CDC42BPB: variants seen among roughly 807,000 people sequenced by gnomAD.
CDC42BPB encodes the protein CDC42 binding protein kinase beta.
CDC42BPB carries 37 observed loss-of-function variants against 214.9 expected under a neutral mutation model. The observed-to-expected ratio is 0.17, with a 90% confidence interval of 0.13 to 0.23. The LOEUF (loss-of-function observed/expected upper bound fraction) is 0.23. Among genes scored for constraint, CDC42BPB ranks in the 10% least tolerant of loss-of-function variants. The pLI, the probability that CDC42BPB is intolerant of heterozygous loss-of-function variation, is 1.00. For missense variants in CDC42BPB, 1,694 were observed against 2,227.0 expected (o/e 0.76, Z 4.82); for synonymous variants, 931 against 884.0 (o/e 1.05, Z -0.94).
chr14:103,033,154 G>A (rs922105560), intron 1 of CDC42BPB, among the ~76,000 whole-genome samples: 3 of 152,134 alleles, frequency 2.0e-5, no homozygotes, highest in Non-Finnish European at 4.4e-5. Context: ...ACAACTGACT[G>A]TGAGTTGATA....
Position 102,938,732 on chromosome 14 carries a change from A to G in CDC42BPB, c.4828-321T>C, listed in dbSNP as rs191329599. ...CAACCTCTGCCTCCTGGGTTCAAGC[A>G]ATTCTCCTGCCTCAGCCTCCTGAGT... is the stretch of plus-strand genomic sequence containing the variant. On this transcript the variant is annotated intron_variant, in intron 34 of 36. Transcript: ENST00000361246. Among the ~76,000 whole-genome samples the G allele has an allele frequency of 3.2e-3, 469 of 147,114 alleles. 5 individuals carry two copies. The highest frequency in any genetic ancestry group is 0.012 in the African/African-American group (457 of 39,590).
In CDC42BPB at chr14:103,057,051, G is replaced by A. The variant is rs1165127986; in HGVS notation, c.123C>T (p.Cys41=). ...LDVLVCLYTE[C]SHSALRRDKY... The stretch of plus-strand genomic sequence containing the variant: ...TGTCGCGGCGCAGGGCCGAGTGGCT[G>A]CACTCGGTGTACAGGCAGACGAGCA... Residue 41 remains cysteine (C), a synonymous_variant, in exon 1 of 37, where the codon TGC becomes TGT. Coordinates refer to ENST00000361246, the MANE Select transcript of CDC42BPB (RefSeq NM_006035.4). 2.0e-6 allele frequency: 3 copies of A among 1,520,200 alleles called. No homozygotes were observed. The highest frequency in any genetic ancestry group is 2.6e-5 in the East Asian group (1 of 37,894). The allele number at this position is 1,520,200 out of a possible 1,614,324, so 94.2% of individuals were successfully genotyped here. A position where few individuals can be genotyped will look rare whatever the true frequency, so the allele number is the denominator to read the frequency against.
At position 102,943,676 on chromosome 14, in the gene CDC42BPB, A is replaced by G. The variant is rs1019600899; in HGVS notation, c.4408+215T>C. On this transcript the variant is annotated intron_variant, in intron 30 of 36. Transcript: ENST00000361246. The surrounding 1 kb of genome is among the most constrained non-coding windows in gnomAD (Gnocchi z 4.6). ...CTGGAAGAACCGGCCCCATGTGCTC[A>G]GGGAGAGAGGTTGCTGAGCCCGCCT... 2.2e-5 allele frequency: 12 copies of G among 554,924 alleles called. No homozygotes were observed. Among genetic ancestry groups the G allele is most frequent in the Non-Finnish European group, 3.8e-5 (12 of 316,298 alleles). 34.4% of individuals were successfully genotyped at this position (554,924 alleles called of 1,614,324 possible).
chr14:103,028,106 G>C (rs1887151253), intron 1 of CDC42BPB, among the ~76,000 whole-genome samples: 1 of 152,064 alleles, frequency 6.6e-6, no homozygotes, highest in African/African-American at 2.4e-5. Context: ...CTCCAGCCTG[G>C]GTGACAGAGC....
At position 102,986,653 on chromosome 14, in the gene CDC42BPB, T is replaced by C. The variant is rs1002764695; in HGVS notation, c.597-73A>G. 12 of 1,562,566 alleles carry C rather than the reference T, an allele frequency of 7.7e-6. No homozygotes were observed. The Middle Eastern group carries it at 6.8e-4, about 89-fold the overall frequency. On this transcript the variant is annotated intron_variant, in intron 5 of 36. Transcript: ENST00000361246. ...TAGGTAGATCAAAGCCCTTAACTAG[T>C]GGTGATCAGATGAATAAATGCTAAT...
chr14:102,983,695 A>G lies in CDC42BPB; in HGVS notation c.752T>C (p.Met251Thr), dbSNP rs779426560. Residue 251 changes from methionine to threonine, a missense_variant, in exon 7 of 37, where the codon ATG becomes ACG. Met to Thr is a moderately conservative substitution (Grantham distance 81). This residue lies in a region of CDC42BPB where 225 missense variants were observed against 459.3 expected (regional missense o/e 0.49). Transcript: ENST00000361246. ...DYISPEILQA[M>T]EDGMGKYGPE... Reference sequence around the variant, plus strand: ...CCCGTATTTGCCCATGCCGTCCTCCATCGCCTGCAGGATCTCCGGCGAGAT... The same window carrying G: ...CCCGTATTTGCCCATGCCGTCCTCCGTCGCCTGCAGGATCTCCGGCGAGAT... The G allele has an allele frequency of 1.2e-6, 2 of 1,613,998 alleles. No individual in the cohort carries two copies. Among genetic ancestry groups the G allele is most frequent in the Non-Finnish European group, 1.7e-6 (2 of 1,180,030 alleles).
At chr14:103,029,915 A>G (rs923932982) in intron 1 of CDC42BPB, among the ~76,000 whole-genome samples, 2 of 151,344 alleles carry the variant, frequency 1.3e-5, no homozygotes, top group African/African-American at 2.4e-5. Context: ...CAGTGGCCAG[A>G]CACGCATGTG....
Position 102,950,802 on chromosome 14 carries a change from T to C in CDC42BPB, c.3173-200A>G, listed in dbSNP as rs140768396. On this transcript the variant is annotated intron_variant, in intron 24 of 36. Transcript: ENST00000361246. The stretch of plus-strand genomic sequence containing the variant: ...CCAACATGGTGAAATCCCGCCTTTA[T>C]TAAAAATACAAAAATTAGCCAGGGG... 1.1e-3 allele frequency: 538 copies of C among 486,856 alleles called. 4 individuals carry two copies. In the African/African-American group the frequency reaches 0.011, roughly 10 times the overall value. The allele number at this position is 486,856 out of a possible 1,614,324, so 30.2% of individuals were successfully genotyped here. A position where few individuals can be genotyped will look rare whatever the true frequency, so the allele number is the denominator to read the frequency against.
rs1894061745 is a variant in CDC42BPB, at chr14:102,982,762, A to G, written c.891+794T>C. Among the ~76,000 whole-genome samples the G allele has an allele frequency of 5.9e-5, 9 of 151,890 alleles. No homozygotes were observed. The South Asian group carries it at 1.9e-3, about 32-fold the overall frequency. Reference sequence around the variant, plus strand: ...GCGACAAGAGCGAAACTCCGTCTCAAAAAAAAAGATAAAAAGACAGGCAGG... The same window carrying G: ...GCGACAAGAGCGAAACTCCGTCTCAGAAAAAAAGATAAAAAGACAGGCAGG... On this transcript the variant is annotated intron_variant, in intron 7 of 36. Transcript: ENST00000361246.
intron 1 of CDC42BPB, among the ~76,000 whole-genome samples, chr14:103,052,428 G>A (rs1342932048): frequency 1.3e-5 from 2 of 152,096 alleles, no homozygotes; most frequent in Non-Finnish European, 2.9e-5. Context: ...AGTGGCTCAC[G>A]CCTGTAATCC....
intron 5 of CDC42BPB, among the ~76,000 whole-genome samples, chr14:102,998,303 A>G (rs1406057133): frequency 2.0e-5 from 3 of 152,356 alleles, no homozygotes; most frequent in Non-Finnish European, 4.4e-5. Flanking sequence ...AATTAGCAAT[A>G]TAAACCTGTG....
At chr14:102,959,023 G>A (rs778307514) in intron 21 of CDC42BPB, among the ~76,000 whole-genome samples, 3 of 151,334 alleles carry the variant, frequency 2.0e-5, no homozygotes, top group East Asian at 4.0e-4. Context: ...CAGGCTGGGC[G>A]TGGTGGCTCA....
chr14:102,988,883 A>C (rs1211198177), intron 5 of CDC42BPB, among the ~76,000 whole-genome samples: 1 of 151,678 alleles, frequency 6.6e-6, no homozygotes, highest in South Asian at 2.1e-4. Context: ...AAAAAAAAAA[A>C]AAAACAAACA....
intron 1 of CDC42BPB, among the ~76,000 whole-genome samples, chr14:103,056,727 G>C (rs546843349): frequency 6.6e-6 from 1 of 152,058 alleles, no homozygotes; most frequent in Non-Finnish European, 1.5e-5. Flanking sequence ...GGCAGGATGA[G>C]GGGGCGGGAC....
chr14:102,963,225 C>T (rs1566861552), intron 19 of CDC42BPB, 70 bp from the exon 20 acceptor site: 14 of 1,539,728 alleles, frequency 9.1e-6, no homozygotes, highest in Non-Finnish European at 1.2e-5. Context: ...TGGGGCAGGT[C>T]AGGATGAGAG....
intron 1 of CDC42BPB, among the ~76,000 whole-genome samples, chr14:103,046,307 G>A (rs1888278245): frequency 6.6e-6 from 1 of 152,106 alleles, no homozygotes; most frequent in Non-Finnish European, 1.5e-5. Context: ...TTCTGGCAGT[G>A]GCCCTCAAAT....
At chr14:103,018,409 A>G (rs372278508) in intron 1 of CDC42BPB, among the ~76,000 whole-genome samples, 4 of 152,190 alleles carry the variant, frequency 2.6e-5, no homozygotes, top group African/African-American at 9.7e-5. Context: ...CTATTTGGAA[A>G]ACTTAGAGGG....
At chr14:102,957,024 CAAAAAAA>C (rs1183767118) in intron 21 of CDC42BPB, among the ~76,000 whole-genome samples, 17 of 48,158 alleles carry the variant, frequency 3.5e-4, no homozygotes, top group African/African-American at 9.5e-4. Context: ...ACTAAAAATA[CAAAAAAA>C]AAAAAAAAAA....
intron 21 of CDC42BPB, among the ~76,000 whole-genome samples, chr14:102,957,056 C>G (rs573378740): frequency 6.8e-6 from 1 of 146,598 alleles, no homozygotes; most frequent in East Asian, 2.0e-4. Flanking sequence ...AAAAAATTAG[C>G]CGGGCATAGT....
Sources: allele counts gnomAD v4.1 joint callset (sites outside exome capture counted in the v4.1 genomes callset), GRCh38; gene constraint gnomAD v4.1.1; regional missense constraint gnomAD v4.1.1; non-coding constraint Gnocchi (gnomAD v3.1); transcripts MANE v1.5; gene names NCBI Gene and HGNC (gene_info 2026-07-23, HGNC 2026-07-21).